Variants in TIAM2 observed in about 807,000 individuals in gnomAD.
TIAM2 encodes TIAM Rac1 associated GEF 2.
A neutral mutation model predicts 152.9 loss-of-function variants in TIAM2; 80 were observed. The observed-to-expected ratio is 0.52, with a 90% confidence interval of 0.44 to 0.63. The LOEUF (loss-of-function observed/expected upper bound fraction) is 0.63, where lower values mean the gene tolerates loss of function less well. TIAM2 is among the 30% of genes least tolerant of loss of function. TIAM2 has a pLI of 0.00. For missense variants in TIAM2, 1,965 were observed against 2,120.1 expected (o/e 0.93, Z 1.44); for synonymous variants, 804 against 838.0 (o/e 0.96, Z 0.70).
chr6:155,254,669 T>TGTAA (rs1783888863), intron 26 of TIAM2, 96 bp downstream of exon 26: 5 of 1,466,978 alleles, frequency 3.4e-6, no homozygotes, highest in Admixed American at 1.9e-5. Flanking sequence ...CTTTTCACTT[T>TGTAA]GTAAGTCATC....
chr6:155,022,318 C>A (rs184546054), intron 1 of TIAM2: 1 of 152,258 alleles, frequency 6.6e-6, no homozygotes, highest in Admixed American at 6.5e-5. Context: ...ACTGTTTTTT[C>A]TTTTTTTCTC....
chr6:155,172,707 T>C (rs1780658183), intron 9 of TIAM2, among the ~76,000 whole-genome samples: 3 of 111,380 alleles, frequency 2.7e-5, no homozygotes, highest in African/African-American at 3.6e-5. Flanking sequence ...TTTTTTTTTT[T>C]TTTTTCTTTG....
intron 19 of TIAM2, 130 bp from the exon 20 acceptor site, chr6:155,247,870 T>G: frequency 8.4e-7 from 1 of 1,186,728 alleles, no homozygotes; most frequent in Non-Finnish European, 1.2e-6. Flanking sequence ...ACTGATGTGT[T>G]GGGGTTTTCA....
At chr6:155,196,062 G>A (rs1200154072) in intron 14 of TIAM2, among the ~76,000 whole-genome samples, 1 of 152,212 alleles carries the variant, frequency 6.6e-6, no homozygotes, top group Non-Finnish European at 1.5e-5. Context: ...ACTGAGTGTT[G>A]CTGAAAATGG....
intron 14 of TIAM2, among the ~76,000 whole-genome samples, chr6:155,190,649 A>G (rs1192529896): frequency 6.6e-6 from 1 of 152,244 alleles, no homozygotes; most frequent in Non-Finnish European, 1.5e-5. Flanking sequence ...AAAAATCTAC[A>G]GAAGTTCTCT....
At chr6:155,111,147 T>G (rs560003476) in intron 2 of TIAM2, among the ~76,000 whole-genome samples, 1 of 152,236 alleles carries the variant, frequency 6.6e-6, no homozygotes, top group South Asian at 2.1e-4. Context: ...GAGTTACCCT[T>G]GGCCACCCCT....
intron 19 of TIAM2, 24 bp downstream of exon 19, chr6:155,245,755 G>GTTC: frequency 2.0e-6 from 2 of 1,022,126 alleles, no homozygotes; most frequent in Non-Finnish European, 2.8e-6. Context: ...GCCTTTTATA[G>GTTC]TTTTTTTTTT....
chr6:155,074,021 A>G (rs976049737), intron 1 of TIAM2, among the ~76,000 whole-genome samples: 1 of 152,190 alleles, frequency 6.6e-6, no homozygotes, highest in African/African-American at 2.4e-5. Flanking sequence ...CGCTTGAGCC[A>G]AGATACTGAT....
At chr6:155,240,868 G>A (rs192766151) in intron 16 of TIAM2, among the ~76,000 whole-genome samples, 159 bp downstream of exon 16, 1 of 152,348 alleles carries the variant, frequency 6.6e-6, no homozygotes, top group Non-Finnish European at 1.5e-5. Flanking sequence ...GAAGGGAGGG[G>A]AAGAGTGAGA....
intron 14 of TIAM2, among the ~76,000 whole-genome samples, chr6:155,201,071 C>T (rs1002485662): frequency 6.6e-6 from 1 of 152,142 alleles, no homozygotes; most frequent in African/African-American, 2.4e-5. Flanking sequence ...CAATGTGTAA[C>T]CTGTCATGTC....
intron 2 of TIAM2, among the ~76,000 whole-genome samples, chr6:155,116,948 A>G (rs753183535): frequency 6.6e-6 from 1 of 152,018 alleles, no homozygotes; most frequent in African/African-American, 2.4e-5. Flanking sequence ...TCACCAGAAC[A>G]GGACCACGAA....
intron 1 of TIAM2, among the ~76,000 whole-genome samples, chr6:155,007,287 A>G (rs1778418466): frequency 6.6e-6 from 1 of 152,176 alleles, no homozygotes; most frequent in Non-Finnish European, 1.5e-5. Context: ...GAGATGGGCA[A>G]GAGATTTGTA....
At chr6:155,050,213 A>C (rs1484374476) in intron 1 of TIAM2, among the ~76,000 whole-genome samples, 3 of 152,118 alleles carry the variant, frequency 2.0e-5, no homozygotes, top group South Asian at 2.1e-4. Context: ...TGTATTTTTA[A>C]TAGAGACTGG....
chr6:155,233,098 G>C (rs1782564111), intron 15 of TIAM2, among the ~76,000 whole-genome samples: 1 of 152,174 alleles, frequency 6.6e-6, no homozygotes, highest in Non-Finnish European at 1.5e-5. Flanking sequence ...CTCAGCTTCT[G>C]ATGCAGTGGA....
intron 10 of TIAM2, 66 bp downstream of exon 10, chr6:155,177,043 C>T (rs1478141584): frequency 8.0e-6 from 12 of 1,505,670 alleles, no homozygotes; most frequent in Non-Finnish European, 9.8e-6. Context: ...CAATCTTATG[C>T]CTTCTAAATT....
chr6:155,218,927 CTTGA>C lies in TIAM2; in HGVS notation c.3168+7621_3168+7624del. 6.7e-6 allele frequency among the ~76,000 whole-genome samples: 1 copy of C among 148,962 alleles called. No homozygotes were observed. Among genetic ancestry groups the C allele is most frequent in the African/African-American group, 2.5e-5 (1 of 40,328 alleles). Reference sequence around the variant, plus strand: ...TGTTCTTGACCATCTCAGCCGTGTTCTTGACCATCTCAGCCGCCCACCCGTGTTC... The same window carrying C: ...TGTTCTTGACCATCTCAGCCGTGTTCCCATCTCAGCCGCCCACCCGTGTTC... On this transcript the variant is annotated intron_variant, in intron 15 of 26. Coordinates refer to ENST00000682666, the MANE Select transcript of TIAM2 (RefSeq NM_012454.4). The surrounding 1 kb of genome is among the most constrained non-coding windows in gnomAD (Gnocchi z 4.5).
At chr6:155,184,770 G>A (rs985043648) in intron 14 of TIAM2, among the ~76,000 whole-genome samples, 2 of 152,114 alleles carry the variant, frequency 1.3e-5, no homozygotes, top group South Asian at 2.1e-4. Flanking sequence ...AAGGTATCTC[G>A]TGCTTTCTCC....
intron 9 of TIAM2, chr6:155,168,982 G>GC: frequency 3.7e-6 from 5 of 1,340,210 alleles, no homozygotes; most frequent in Non-Finnish European, 5.0e-6. Flanking sequence ...AACTTTTTCT[G>GC]TTTTTTTTTG....
chr6:155,063,617 A>G (rs1174955378), intron 1 of TIAM2, among the ~76,000 whole-genome samples: 2 of 152,036 alleles, frequency 1.3e-5, no homozygotes, highest in African/African-American at 4.8e-5. Context: ...CCCCGTCTCT[A>G]CTAAAAATAC....
Sources: gnomAD v4.1 joint callset for allele counts (sites outside exome capture counted in the v4.1 genomes callset) on GRCh38, gnomAD v4.1.1 for gene constraint, Gnocchi (gnomAD v3.1) non-coding constraint, MANE v1.5 for transcripts, NCBI Gene and HGNC (gene_info 2026-07-23, HGNC 2026-07-21) for gene names.